Variants in GABRA4 observed in about 807,000 individuals in gnomAD.
The protein encoded by GABRA4 is gamma-aminobutyric acid receptor subunit alpha-4.
In GABRA4, 12 loss-of-function variants were observed where a neutral mutation model predicts 49.7. The ratio of observed to expected loss-of-function variants is 0.24; its 90% CI spans 0.15 to 0.39. GABRA4 has a LOEUF of 0.39. Ranked by LOEUF, GABRA4 falls within the 10% of genes least tolerant of loss-of-function variation. GABRA4 has a pLI of 1.00. For synonymous variants in GABRA4, 288 were observed against 240.2 expected, an observed-to-expected ratio of 1.20 and a Z score of -1.84; for missense variants, 506 against 686.0, an observed-to-expected ratio of 0.74 and a Z score of 2.93.
At chr4:46,976,244 C>G (rs769579434) in intron 5 of GABRA4, among the ~76,000 whole-genome samples, 2 of 150,184 alleles carry the variant, frequency 1.3e-5, no homozygotes, top group African/African-American at 2.4e-5. Context: ...TTCACACTTT[C>G]CTCTCTAGTA....
intron 8 of GABRA4, 129 bp from the exon 9 acceptor site, chr4:46,928,884 A>C: frequency 3.2e-6 from 2 of 621,660 alleles, no homozygotes; most frequent in Non-Finnish European, 5.4e-6. Context: ...AGCTGTAGTC[A>C]TCTTGATTTT....
intron 8 of GABRA4, among the ~76,000 whole-genome samples, chr4:46,938,668 CA>C (rs1721681250): frequency 6.6e-6 from 1 of 152,048 alleles, no homozygotes; most frequent in Non-Finnish European, 1.5e-5. Context: ...TGAACATACA[CA>C]TTTATAATAA....
At chr4:46,965,830 A>T (rs1722733471) in intron 7 of GABRA4, among the ~76,000 whole-genome samples, 1 of 151,848 alleles carries the variant, frequency 6.6e-6, no homozygotes, top group Admixed American at 6.6e-5. Flanking sequence ...TAAATTTACT[A>T]GTTGTGCAGA....
chr4:46,948,138 C>T (rs570639829), intron 8 of GABRA4, among the ~76,000 whole-genome samples: 11 of 152,082 alleles, frequency 7.2e-5, no homozygotes, highest in Admixed American at 7.2e-4. Context: ...TGGCTAATGT[C>T]TCTATTTTCA....
intron 7 of GABRA4, among the ~76,000 whole-genome samples, chr4:46,967,906 G>A (rs902483449): frequency 6.6e-6 from 1 of 151,620 alleles, no homozygotes; most frequent in Non-Finnish European, 1.5e-5. Flanking sequence ...AGATATGCCA[G>A]CTGGCATTTA....
intron 3 of GABRA4, 24 bp downstream of exon 3, chr4:46,979,007 A>G: frequency 1.3e-6 from 2 of 1,490,416 alleles, no homozygotes; most frequent in Non-Finnish European, 9.4e-7. Flanking sequence ...CTCAAAAGGT[A>G]CATTAAACTT....
chr4:46,983,944 C>T (rs976285580), intron 2 of GABRA4, among the ~76,000 whole-genome samples: 2 of 152,070 alleles, frequency 1.3e-5, no homozygotes, highest in Admixed American at 6.6e-5. Flanking sequence ...AAAGAAAGAG[C>T]CAAGACCAGC....
chr4:46,973,228 G>C (rs183936004), intron 6 of GABRA4, among the ~76,000 whole-genome samples: 18 of 151,852 alleles, frequency 1.2e-4, no homozygotes, highest in Non-Finnish European at 2.2e-4. Context: ...GGTCCTCAAA[G>C]TTCAGATGTT....
chr4:46,970,230 A>G (rs1684684399), intron 7 of GABRA4, among the ~76,000 whole-genome samples: 1 of 151,396 alleles, frequency 6.6e-6, no homozygotes, highest in South Asian at 2.1e-4. Flanking sequence ...ATATTATACC[A>G]TGGCTGTGAT....
intron 8 of GABRA4, among the ~76,000 whole-genome samples, chr4:46,940,611 A>T (rs927137596): frequency 2.0e-5 from 3 of 152,096 alleles, no homozygotes; most frequent in African/African-American, 4.8e-5. Flanking sequence ...GCCTATTAAC[A>T]CGATTCATTA....
Position 46,928,399 on chromosome 4 carries a change from C to G in GABRA4, c.1491G>C (p.Gly497=), listed in dbSNP as rs766411395. 7 of 1,613,518 alleles carry G rather than the reference C, an allele frequency of 4.3e-6. No homozygotes were observed. In the African/African-American group the frequency reaches 8.0e-5, roughly 18 times the overall value. The change falls in exon 9 of 9, where the codon GGG becomes GGC. Residue 497 remains glycine (G), a synonymous_variant. Coordinates refer to ENST00000264318, the MANE Select transcript of GABRA4 (RefSeq NM_000809.4). ...KTTVNTIGAT[G]KLSATPPPSA... Reference sequence around the variant, plus strand: ...ATGGAGGAGGAGTAGCTGACAACTTCCCAGTAGCCCCTATGGTATTAACTG... The same window carrying G: ...ATGGAGGAGGAGTAGCTGACAACTTGCCAGTAGCCCCTATGGTATTAACTG...
At chr4:46,991,817 A>G (rs1008607267) in intron 2 of GABRA4, among the ~76,000 whole-genome samples, 11 of 152,230 alleles carry the variant, frequency 7.2e-5, no homozygotes, top group African/African-American at 1.4e-4. Flanking sequence ...AATGCCTGGT[A>G]TATGTGAACA....
intron 8 of GABRA4, among the ~76,000 whole-genome samples, chr4:46,933,167 A>G (rs549181436): frequency 2.0e-5 from 3 of 152,246 alleles, no homozygotes; most frequent in Admixed American, 6.6e-5. Flanking sequence ...CCAGTTTAAA[A>G]GAAGTAATGA....
Position 46,977,166 on chromosome 4 carries a change from A to G in GABRA4, c.495-23T>C, listed in dbSNP as rs371417744. 660 of 1,476,866 alleles carry G rather than the reference A, an allele frequency of 4.5e-4. 1 individual carries two copies. Among genetic ancestry groups the G allele is most frequent in the Non-Finnish European group, 6.0e-4 (641 of 1,067,858 alleles). 91.5% of individuals were successfully genotyped at this position (1,476,866 alleles called of 1,614,324 possible). On this transcript the variant is annotated intron_variant, in intron 4 of 8. Coordinates refer to ENST00000264318, the MANE Select transcript of GABRA4 (RefSeq NM_000809.4). ...AGTCTATGATGAAAAATGCAATTAA[A>G]TAAAATCAACCCTTTTAAAGAATAA... is the stretch of plus-strand genomic sequence containing the variant.
intron 2 of GABRA4, among the ~76,000 whole-genome samples, chr4:46,981,505 A>G (rs13130893): frequency 0.41 from 61,649 of 151,844 alleles, 12,793 homozygotes; most frequent in Middle Eastern, 0.51. Context: ...GAGACTGAGT[A>G]AGATCCTAAA....
intron 8 of GABRA4, among the ~76,000 whole-genome samples, chr4:46,948,708 C>T (rs1722064241): frequency 6.6e-6 from 1 of 151,978 alleles, no homozygotes; most frequent in Admixed American, 6.6e-5. Flanking sequence ...AGTAAAAGTC[C>T]AGCATGTATT....
chr4:46,971,278 G>A (rs1412060864), intron 6 of GABRA4, 43 bp from the exon 7 acceptor site: 17 of 1,576,582 alleles, frequency 1.1e-5, no homozygotes, highest in African/African-American at 5.4e-5. Context: ...GGTTCTGCAG[G>A]CAATTAGTCA....
chr4:46,989,303 C>T (rs1232849154), intron 2 of GABRA4, among the ~76,000 whole-genome samples: 1 of 152,102 alleles, frequency 6.6e-6, no homozygotes, highest in East Asian at 1.9e-4. Context: ...TGAAAGTGAA[C>T]GAGAGCTAGG....
At chr4:46,963,515 T>C (rs1042157812) in intron 8 of GABRA4, among the ~76,000 whole-genome samples, 4 of 151,812 alleles carry the variant, frequency 2.6e-5, no homozygotes, top group African/African-American at 9.7e-5. Flanking sequence ...ACCATCACCA[T>C]GTAAGAAGTG....
Sources: allele counts gnomAD v4.1 joint callset (sites outside exome capture counted in the v4.1 genomes callset), GRCh38; gene constraint gnomAD v4.1.1; transcripts MANE v1.5; gene names NCBI Gene and HGNC (gene_info 2026-07-23, HGNC 2026-07-21).